The following G3BP2 variants were observed in gnomAD, a reference collection of about 807,000 sequenced individuals.
G3BP2 encodes the protein ras GTPase-activating protein-binding protein 2.
In G3BP2, 11 loss-of-function variants were observed where a neutral mutation model predicts 56.7. That is an observed-to-expected ratio of 0.19 (90% CI 0.12 to 0.32). The LOEUF is 0.32. Among genes scored for constraint, G3BP2 ranks in the 10% least tolerant of loss-of-function variants. The pLI is 1.00. For synonymous variants in G3BP2, 165 were observed against 191.6 expected (o/e 0.86, Z 1.15); for missense variants, 340 against 610.9 (o/e 0.56, Z 4.67).
rs1342333232 is a variant in G3BP2, at chr4:75,645,028, T to C, written c.*402A>G. The C allele has an allele frequency of 5.6e-6, 1 of 178,402 alleles. No homozygotes were observed. Among genetic ancestry groups the C allele is most frequent in the African/African-American group, 2.4e-5 (1 of 41,916 alleles). 11.1% of individuals were successfully genotyped at this position (178,402 alleles called of 1,614,324 possible). A position where few individuals can be genotyped will look rare whatever the true frequency, so the allele number is the denominator to read the frequency against. ...GGGGGAGCCAAGAAAAAAGGCAAGA[T>C]TCTCCAATTGCACAAATTGCACTAT... On this transcript the variant is annotated 3_prime_UTR_variant, in exon 12 of 12. Coordinates refer to ENST00000359707, the MANE Select transcript of G3BP2 (RefSeq NM_203505.3).
chr4:75,694,850 C>T, intron 3 of G3BP2: 16 of 985,590 alleles, frequency 1.6e-5, no homozygotes, highest in Non-Finnish European at 1.9e-5. Flanking sequence ...GGGCTAAAGA[C>T]TGCGACATCA....
chr4:75,681,180 C>T (rs190662686), intron 3 of G3BP2, among the ~76,000 whole-genome samples: 305 of 147,860 alleles, frequency 2.1e-3, no homozygotes, highest in African/African-American at 4.9e-3. Context: ...AAAAATTTGC[C>T]GGGCGTGGTG....
intron 3 of G3BP2, among the ~76,000 whole-genome samples, chr4:75,694,486 C>T (rs888006298): frequency 6.6e-6 from 1 of 152,250 alleles, no homozygotes; most frequent in African/African-American, 2.4e-5. Flanking sequence ...CGCCTGTAGT[C>T]CCAGCTGTGC....
chr4:75,715,462 TG>T (rs1719895822), intron 3 of G3BP2, among the ~76,000 whole-genome samples: 1 of 152,230 alleles, frequency 6.6e-6, no homozygotes, highest in African/African-American at 2.4e-5. Flanking sequence ...CTGCAACTCA[TG>T]TCCCCATCAA....
At chr4:75,723,852 C>A (rs781344171) in intron 1 of G3BP2, among the ~76,000 whole-genome samples, 27 of 151,372 alleles carry the variant, frequency 1.8e-4, no homozygotes, top group Non-Finnish European at 2.9e-4. Flanking sequence ...AACCTCACTG[C>A]CAAAGGAACA....
At chr4:75,700,662 G>A (rs534825985) in intron 3 of G3BP2, among the ~76,000 whole-genome samples, 1 of 149,212 alleles carries the variant, frequency 6.7e-6, no homozygotes, top group African/African-American at 2.5e-5. Context: ...CTCGTGATCC[G>A]CCTGCCTTGG....
chr4:75,721,070 A>G (rs1166003198), intron 2 of G3BP2, among the ~76,000 whole-genome samples: 1 of 151,204 alleles, frequency 6.6e-6, no homozygotes, highest in Non-Finnish European at 1.5e-5. Flanking sequence ...TCTTGAACCC[A>G]GGAGTTCCAG....
chr4:75,691,074 T>C (rs756880409), intron 3 of G3BP2, among the ~76,000 whole-genome samples: 75 of 152,104 alleles, frequency 4.9e-4, no homozygotes, highest in Non-Finnish European at 8.2e-4. Flanking sequence ...GTACATTTTG[T>C]TTCATTTATT....
intron 3 of G3BP2, among the ~76,000 whole-genome samples, chr4:75,689,502 A>T (rs1489367071): frequency 6.6e-6 from 1 of 152,214 alleles, no homozygotes; most frequent in Non-Finnish European, 1.5e-5. Context: ...TTAGTAAATC[A>T]TTTTGAATTT....
At chr4:75,673,584 G>A, upstream of G3BP2, 2 of 1,231,876 alleles carry the variant, frequency 1.6e-6, no homozygotes, top group Non-Finnish European at 2.0e-6. Flanking sequence ...ACACGCTCGC[G>A]CCCGGAAAGC....
intron 1 of G3BP2, chr4:75,672,576 G>GC (rs1733575801): frequency 6.6e-6 from 1 of 152,288 alleles, no homozygotes; most frequent in Non-Finnish European, 1.5e-5. Flanking sequence ...CAAACACGAC[G>GC]GAACACTAGG....
intron 11 of G3BP2, among the ~76,000 whole-genome samples, chr4:75,645,995 G>A (rs2148940282): frequency 6.6e-6 from 1 of 152,070 alleles, no homozygotes; most frequent in East Asian, 1.9e-4. Flanking sequence ...TTTTTGTAGA[G>A]ACAATGTCTC....
At chr4:75,697,199 A>G (rs10025315) in intron 3 of G3BP2, among the ~76,000 whole-genome samples, 135,297 of 149,020 alleles carry the variant, frequency 0.91, 61,564 homozygotes, top group African/African-American at 0.98. Context: ...GCGTGAACCC[A>G]GGAGGCGGAG....
chr4:75,654,970 T>C, intron 7 of G3BP2, 96 bp downstream of exon 7: 1 of 775,124 alleles, frequency 1.3e-6, no homozygotes, highest in Non-Finnish European at 2.1e-6. Context: ...AATAATTTAC[T>C]AAACAATTTA....
At chr4:75,723,106 C>T (rs7691385) in intron 1 of G3BP2, among the ~76,000 whole-genome samples, 136,410 of 152,208 alleles carry the variant, frequency 0.9, 61,199 homozygotes, top group African/African-American at 0.94. Flanking sequence ...CAGAGTTGAG[C>T]CTTAAGGAAT....
chr4:75,681,179 C>T (rs2149066623), intron 3 of G3BP2, among the ~76,000 whole-genome samples: 1 of 148,632 alleles, frequency 6.7e-6, no homozygotes, highest in Admixed American at 6.8e-5. Flanking sequence ...TAAAAATTTG[C>T]CGGGCGTGGT....
At chr4:75,662,859 G>C (rs1732677901) in intron 1 of G3BP2, among the ~76,000 whole-genome samples, 1 of 152,160 alleles carries the variant, frequency 6.6e-6, no homozygotes, top group Non-Finnish European at 1.5e-5. Context: ...GCAAGACAGA[G>C]GGCCCAAGTT....
At chr4:75,721,999 C>G (rs1248370024) in intron 2 of G3BP2, among the ~76,000 whole-genome samples, 1 of 152,122 alleles carries the variant, frequency 6.6e-6, no homozygotes, top group East Asian at 1.9e-4. Flanking sequence ...CCTTTATTAA[C>G]TCAGGTAGTT....
At position 75,717,344 on chromosome 4, in the gene G3BP2, A is replaced by G. The variant is rs543017178; in HGVS notation, c.-25+3533T>C. 2.6e-5 allele frequency among the ~76,000 whole-genome samples: 4 copies of G among 152,134 alleles called. No individual in the cohort carries two copies. The South Asian group carries it at 8.3e-4, about 32-fold the overall frequency. ...AGTCCCAGCTACGCAGGAGGCTGAGATGGGAGGATCGCTTGAGCCTGGGAG... is the reference window on the plus strand; with the variant it reads ...AGTCCCAGCTACGCAGGAGGCTGAGGTGGGAGGATCGCTTGAGCCTGGGAG... On this transcript the variant is annotated intron_variant, in intron 3 of 3. Transcript: ENST00000499709.
Sources: allele counts gnomAD v4.1 joint callset (sites outside exome capture counted in the v4.1 genomes callset), GRCh38; gene constraint gnomAD v4.1.1; transcripts MANE v1.5; gene names NCBI Gene and HGNC (gene_info 2026-07-23, HGNC 2026-07-21).